PPP4R3B: variants seen among roughly 807,000 people sequenced by gnomAD.
The protein encoded by PPP4R3B is serine/threonine-protein phosphatase 4 regulatory subunit 3B.
PPP4R3B carries 52 observed loss-of-function variants against 95.4 expected under a neutral mutation model. The ratio of observed to expected loss-of-function variants is 0.54; its 90% CI spans 0.44 to 0.69. The LOEUF is 0.69. Ranked by LOEUF, PPP4R3B falls within the 30% of genes least tolerant of loss-of-function variation. PPP4R3B has a pLI of 0.00. For synonymous variants in PPP4R3B, 407 were observed against 343.9 expected, an observed-to-expected ratio of 1.18 and a Z score of -2.03; for missense variants, 1,003 against 1,005.9, an observed-to-expected ratio of 1.00 and a Z score of 0.04.
intron 16 of PPP4R3B, among the ~76,000 whole-genome samples, chr2:55,557,074 C>A (rs935041656): frequency 6.6e-6 from 1 of 151,986 alleles, no homozygotes; most frequent in Non-Finnish European, 1.5e-5. Flanking sequence ...ACAACGACGA[C>A]GACGACGACG....
rs764669494 is a variant in PPP4R3B, at chr2:55,617,290, G to A, written c.-5C>T. On this transcript the variant is annotated 5_prime_UTR_variant, in exon 1 of 17. Transcript: ENST00000616407. ...TCGCCGCCGCGTATCCGACATGGTGGCTGCTGTCTCCACCGCTCTAGCCGC... is the reference window on the plus strand; with the variant it reads ...TCGCCGCCGCGTATCCGACATGGTGACTGCTGTCTCCACCGCTCTAGCCGC... 1.3e-6 allele frequency: 2 copies of A among 1,590,634 alleles called. No individual in the cohort carries two copies. The highest frequency in any genetic ancestry group is 2.2e-5 in the South Asian group (2 of 89,566).
chr2:55,587,868 A>C (rs1690377775), intron 5 of PPP4R3B, among the ~76,000 whole-genome samples: 2 of 152,266 alleles, frequency 1.3e-5, no homozygotes. Context: ...AAGTAACTAC[A>C]CCAAAGATGA....
chr2:55,592,309 ATAAT>A (rs1691141592), intron 4 of PPP4R3B, among the ~76,000 whole-genome samples: 1 of 152,198 alleles, frequency 6.6e-6, no homozygotes, highest in South Asian at 2.1e-4. Context: ...GGCCTCCCAA[ATAAT>A]TAATGAGGTT....
chr2:55,589,132 A>T (rs1344935859), intron 4 of PPP4R3B, among the ~76,000 whole-genome samples, 176 bp from the exon 5 acceptor site: 1 of 152,006 alleles, frequency 6.6e-6, no homozygotes. Context: ...ACACCATTCA[A>T]TTCTTGTTAT....
At chr2:55,585,237 T>C in intron 6 of PPP4R3B, 70 bp from the exon 7 acceptor site, 1 of 1,158,614 alleles carries the variant, frequency 8.6e-7, no homozygotes, top group Non-Finnish European at 1.2e-6. Flanking sequence ...TTTTTTCTTT[T>C]CCAAATCCAT....
intron 15 of PPP4R3B, among the ~76,000 whole-genome samples, chr2:55,561,981 G>T (rs1295304504): frequency 6.6e-6 from 1 of 152,188 alleles, no homozygotes; most frequent in Non-Finnish European, 1.5e-5. Flanking sequence ...GGGGTGGAAT[G>T]ATATGGTTTG....
intron 4 of PPP4R3B, among the ~76,000 whole-genome samples, chr2:55,594,188 T>C (rs1574847187): frequency 6.6e-6 from 1 of 152,000 alleles, no homozygotes; most frequent in African/African-American, 2.4e-5. Context: ...AAAAATTATC[T>C]ACTGGGCACT....
intron 2 of PPP4R3B, chr2:55,614,430 C>G (rs1302520178): frequency 6.6e-6 from 1 of 152,128 alleles, no homozygotes; most frequent in African/African-American, 2.4e-5. Context: ...AAAACTAGAT[C>G]TACATTGTTA....
intron 15 of PPP4R3B, among the ~76,000 whole-genome samples, chr2:55,561,791 CT>C (rs762799298): frequency 2.1e-4 from 32 of 152,216 alleles, no homozygotes; most frequent in Admixed American, 5.9e-4. Context: ...CCCGTTGTAT[CT>C]TGGAGGTAAC....
chr2:55,594,442 CT>C (rs1691484179), intron 4 of PPP4R3B, among the ~76,000 whole-genome samples: 2 of 152,106 alleles, frequency 1.3e-5, no homozygotes, highest in Admixed American at 1.3e-4. Context: ...ATGAGTAAAT[CT>C]TTTAGAAAAA....
At chr2:55,610,719 G>A (rs1694046120) in intron 2 of PPP4R3B, among the ~76,000 whole-genome samples, 1 of 152,162 alleles carries the variant, frequency 6.6e-6, no homozygotes, top group Non-Finnish European at 1.5e-5. Flanking sequence ...AGTGAAGACT[G>A]TGGTAAAACA....
intron 12 of PPP4R3B, among the ~76,000 whole-genome samples, chr2:55,573,277 C>T (rs1688238105): frequency 1.3e-5 from 2 of 151,970 alleles, no homozygotes; most frequent in African/African-American, 4.8e-5. Context: ...AACATTGATG[C>T]AAATATCAGG....
intron 4 of PPP4R3B, among the ~76,000 whole-genome samples, chr2:55,590,072 A>G (rs2104360599): frequency 6.7e-6 from 1 of 150,372 alleles, no homozygotes; most frequent in East Asian, 1.9e-4. Context: ...TCATGCGTGT[A>G]ATCCCAGCAC....
intron 5 of PPP4R3B, among the ~76,000 whole-genome samples, chr2:55,588,443 G>A (rs1163541396): frequency 1.3e-5 from 2 of 151,528 alleles, no homozygotes; most frequent in Non-Finnish European, 2.9e-5. Flanking sequence ...AACCTGGGAG[G>A]CAGAGGTTGT....
At chr2:55,609,924 T>G (rs755163984) in intron 2 of PPP4R3B, among the ~76,000 whole-genome samples, 1 of 152,182 alleles carries the variant, frequency 6.6e-6, no homozygotes, top group African/African-American at 2.4e-5. Context: ...GGACAGAATC[T>G]GGCGTGGGAA....
chr2:55,561,761 A>G (rs1157733580), intron 15 of PPP4R3B, among the ~76,000 whole-genome samples: 1 of 152,204 alleles, frequency 6.6e-6, no homozygotes, highest in Non-Finnish European at 1.5e-5. Context: ...GAATGGGAGC[A>G]TTTACCCAAT....
chr2:55,568,971 T>C (rs1249385356), intron 12 of PPP4R3B, among the ~76,000 whole-genome samples: 2 of 152,188 alleles, frequency 1.3e-5, no homozygotes, highest in East Asian at 1.9e-4. Flanking sequence ...TGTTCTAGTA[T>C]AATAAAATAT....
intron 3 of PPP4R3B, among the ~76,000 whole-genome samples, chr2:55,600,661 C>T (rs943056209): frequency 6.6e-5 from 10 of 151,878 alleles, no homozygotes; most frequent in African/African-American, 1.9e-4. Flanking sequence ...TAGAGTGCTG[C>T]GTTGTACAGT....
chr2:55,554,617 A>G (rs1243698451), intron 16 of PPP4R3B, among the ~76,000 whole-genome samples: 1 of 152,232 alleles, frequency 6.6e-6, no homozygotes, highest in Non-Finnish European at 1.5e-5. Context: ...GCTGAGGTGT[A>G]AGAGTTCTTT....
Sources: gnomAD v4.1 joint callset for allele counts (sites outside exome capture counted in the v4.1 genomes callset) on GRCh38, gnomAD v4.1.1 for gene constraint, MANE v1.5 for transcripts, NCBI Gene and HGNC (gene_info 2026-07-23, HGNC 2026-07-21) for gene names.